SHISAL1: variants seen among roughly 807,000 people sequenced by gnomAD.
SHISAL1 encodes shisa like 1, also known as protein shisa-like-1.
A neutral mutation model predicts 22.6 loss-of-function variants in SHISAL1; 9 were observed. The ratio of observed to expected loss-of-function variants is 0.40; its 90% CI spans 0.24 to 0.70. The LOEUF (loss-of-function observed/expected upper bound fraction) is 0.70. SHISAL1 is among the 30% of genes least tolerant of loss of function. The pLI is 0.39. For missense variants in SHISAL1, 246 were observed against 270.6 expected (o/e 0.91, Z 0.64); for synonymous variants, 119 against 115.4 (o/e 1.03, Z -0.20).
At chr22:44,299,578 G>A (rs562451504) in intron 2 of SHISAL1, among the ~76,000 whole-genome samples, 1 of 152,318 alleles carries the variant, frequency 6.6e-6, no homozygotes, top group Non-Finnish European at 1.5e-5. Flanking sequence ...GCCCTGCCAA[G>A]CACCCCCAGA....
chr22:44,290,925 G>A (rs796398268), intron 3 of SHISAL1, among the ~76,000 whole-genome samples: 3 of 152,276 alleles, frequency 2.0e-5, no homozygotes, highest in African/African-American at 7.2e-5. Flanking sequence ...GGGCAGTGGC[G>A]GTGTGTGGGC....
At chr22:44,301,484 C>T (rs969464670) in intron 1 of SHISAL1, among the ~76,000 whole-genome samples, 2 of 152,208 alleles carry the variant, frequency 1.3e-5, no homozygotes, top group Non-Finnish European at 2.9e-5. Flanking sequence ...CCTGGAGCCC[C>T]TGTGTTCTAC....
At chr22:44,329,800 G>T in the SHISAL1 span, among the ~76,000 whole-genome samples, 6 of 152,308 alleles carry the variant, frequency 3.9e-5, no homozygotes, top group Admixed American at 2.6e-4. Flanking sequence ...CATGGAGATT[G>T]TACTGGTTGA....
chr22:44,309,084 C>T (rs1263466696), intron 1 of SHISAL1, among the ~76,000 whole-genome samples: 2 of 152,334 alleles, frequency 1.3e-5, no homozygotes, highest in South Asian at 2.1e-4. Context: ...GGGCCTGGCT[C>T]AAGTGCCACC....
intron 1 of SHISAL1, among the ~76,000 whole-genome samples, chr22:44,306,119 C>T (rs1481793971): frequency 1.3e-5 from 2 of 152,218 alleles, no homozygotes; most frequent in East Asian, 3.9e-4. Flanking sequence ...GGGGACCAGC[C>T]AGCTGCTGTG....
rs181019831 is a variant in SHISAL1, at chr22:44,244,119, A to T, written c.*5566T>A. 2.6e-5 allele frequency: 4 copies of T among 152,354 alleles called. No individual in the cohort carries two copies. The highest frequency in any genetic ancestry group is 2.6e-4 in the Admixed American group (4 of 15,304). The allele number at this position is 152,354 out of a possible 1,614,324, so 9.4% of individuals were successfully genotyped here. A position where few individuals can be genotyped will look rare whatever the true frequency, so the allele number is the denominator to read the frequency against. On this transcript the variant is annotated 3_prime_UTR_variant, in exon 5 of 5. Transcript: ENST00000381176. Reference sequence around the variant, plus strand: ...AACGGGAAATGGGAAAAATAGGAAGAAACTGCGTATGAGAAACTGACATGC... The same window carrying T: ...AACGGGAAATGGGAAAAATAGGAAGTAACTGCGTATGAGAAACTGACATGC...
chr22:44,266,848 G>A (rs2055167779), intron 4 of SHISAL1, among the ~76,000 whole-genome samples: 1 of 152,150 alleles, frequency 6.6e-6, no homozygotes, highest in Admixed American at 6.5e-5. Context: ...GATCCTGCTT[G>A]AGGGCGATGA....
At position 44,312,754 on chromosome 22, in the gene SHISAL1, C is replaced by A. The variant is rs1482642109; in HGVS notation, c.-36G>T. The A allele has an allele frequency of 6.6e-6, 1 of 152,338 alleles. No individual in the cohort carries two copies. Among genetic ancestry groups the A allele is most frequent in the Admixed American group, 6.5e-5 (1 of 15,284 alleles). The allele number at this position is 152,338 out of a possible 1,614,324, so 9.4% of individuals were successfully genotyped here. On this transcript the variant is annotated 5_prime_UTR_variant, in exon 1 of 5. Coordinates refer to ENST00000381176, the MANE Select transcript of SHISAL1 (RefSeq NM_001099294.2). Reference sequence around the variant, plus strand: ...ACCTCCACAGGCTGCTCCTTACCTGCCGAGCCCTGTGACTGAGGGATCAGA... The same window carrying A: ...ACCTCCACAGGCTGCTCCTTACCTGACGAGCCCTGTGACTGAGGGATCAGA...
chr22:44,263,686 G>A (rs2055142172), intron 4 of SHISAL1, among the ~76,000 whole-genome samples: 1 of 152,208 alleles, frequency 6.6e-6, no homozygotes, highest in Admixed American at 6.5e-5. Context: ...GCAGAGGTTG[G>A]AGAGATGTCC....
the SHISAL1 span, among the ~76,000 whole-genome samples, chr22:44,320,009 C>T: frequency 4.1e-4 from 62 of 152,284 alleles, no homozygotes; most frequent in African/African-American, 1.3e-3. Context: ...GTGAATGGGT[C>T]ACTTCATTTA....
intron 2 of SHISAL1, 132 bp downstream of exon 2, chr22:44,300,747 G>A: frequency 1.4e-6 from 1 of 705,526 alleles, no homozygotes; most frequent in Non-Finnish European, 2.5e-6. Flanking sequence ...CACCAGAGGG[G>A]TGCCAGTAAG....
In SHISAL1 at chr22:44,248,917, G is replaced by C. The variant is rs946296264; in HGVS notation, c.*768C>G. The C allele has an allele frequency of 7.2e-5, 11 of 152,260 alleles. 1 individual carries two copies. The highest frequency in any genetic ancestry group is 4.6e-4 in the Admixed American group (7 of 15,300). 9.4% of individuals were successfully genotyped at this position (152,260 alleles called of 1,614,324 possible). A position where few individuals can be genotyped will look rare whatever the true frequency, so the allele number is the denominator to read the frequency against. On this transcript the variant is annotated 3_prime_UTR_variant, in exon 5 of 5. Transcript: ENST00000381176. ...TACCTGCCTCCCAGGTGGTGAGAGAGGGAGTGCATGAAAACACTTAACTTG... is the reference window on the plus strand; with the variant it reads ...TACCTGCCTCCCAGGTGGTGAGAGACGGAGTGCATGAAAACACTTAACTTG...
intron 1 of SHISAL1, among the ~76,000 whole-genome samples, chr22:44,311,850 C>T (rs1304369642): frequency 6.6e-6 from 1 of 152,244 alleles, no homozygotes; most frequent in Non-Finnish European, 1.5e-5. Flanking sequence ...CTCAACAACC[C>T]TTTGTTTCTC....
chr22:44,251,934 T>C (rs1315692328), intron 4 of SHISAL1, among the ~76,000 whole-genome samples: 2 of 149,400 alleles, frequency 1.3e-5, no homozygotes, highest in Non-Finnish European at 1.5e-5. Flanking sequence ...GTAAATGTTA[T>C]GTTATGCGCA....
At chr22:44,268,111 T>TA (rs1221258724) in intron 4 of SHISAL1, among the ~76,000 whole-genome samples, 1 of 152,312 alleles carries the variant, frequency 6.6e-6, no homozygotes, top group East Asian at 1.9e-4. Flanking sequence ...TTCGGTCACT[T>TA]CTCAGGGAAC....
intron 4 of SHISAL1, among the ~76,000 whole-genome samples, chr22:44,276,287 G>A (rs1049442965): frequency 6.6e-6 from 1 of 152,190 alleles, no homozygotes; most frequent in African/African-American, 2.4e-5. Context: ...GGAGGGAACA[G>A]CAGCGGGGCT....
chr22:44,264,283 A>G lies in SHISAL1; in HGVS notation c.*-14598T>C, dbSNP rs57903555. ...TACAGTTGCGTAAAGTGAGGCTCAGAGCCATGCTGCCCAGGGAGGAGCTGA... is the reference window on the plus strand; with the variant it reads ...TACAGTTGCGTAAAGTGAGGCTCAGGGCCATGCTGCCCAGGGAGGAGCTGA... On this transcript the variant is annotated intron_variant, in intron 4 of 4. Transcript: ENST00000381176. Among the ~76,000 whole-genome samples, 931 of 152,342 alleles carry G rather than the reference A, an allele frequency of 6.1e-3. 9 individuals are homozygous for G. Among genetic ancestry groups the G allele is most frequent in the East Asian group, 0.022 (113 of 5,172 alleles).
the SHISAL1 span, among the ~76,000 whole-genome samples, chr22:44,327,818 C>T: frequency 6.7e-3 from 1,024 of 152,260 alleles, 14 homozygotes; most frequent in African/African-American, 0.024. Flanking sequence ...GGCAGGGCCT[C>T]GGGTCACCCT....
At chr22:44,284,665 G>A (rs544283238) in intron 4 of SHISAL1, among the ~76,000 whole-genome samples, 1 of 152,152 alleles carries the variant, frequency 6.6e-6, no homozygotes, top group Non-Finnish European at 1.5e-5. Flanking sequence ...TGTCCTTGGT[G>A]CTAGCCAGCC....
Sources: allele counts gnomAD v4.1 joint callset (sites outside exome capture counted in the v4.1 genomes callset), GRCh38; gene constraint gnomAD v4.1.1; transcripts MANE v1.5; gene names NCBI Gene and HGNC (gene_info 2026-07-23, HGNC 2026-07-21).